The following GSPT1 variants were observed in gnomAD, a reference collection of about 807,000 sequenced individuals.
GSPT1 encodes eukaryotic peptide chain release factor GTP-binding subunit ERF3A.
A neutral mutation model predicts 72.5 loss-of-function variants in GSPT1; 20 were observed. That is an observed-to-expected ratio of 0.28 (90% confidence interval 0.19 to 0.40). The LOEUF is 0.40. Ranked by LOEUF, GSPT1 falls within the 10% of genes least tolerant of loss-of-function variation. The pLI, the probability that GSPT1 is intolerant of heterozygous loss-of-function variation, is 1.00. For missense variants in GSPT1, 580 were observed against 811.9 expected (o/e 0.71, Z 3.47); for synonymous variants, 334 against 293.5 (o/e 1.14, Z -1.41).
chr16:11,898,074 TATCC>T, intron 1 of GSPT1, 39 bp from the exon 2 acceptor site: 2 of 1,308,258 alleles, frequency 1.5e-6, no homozygotes, highest in Non-Finnish European at 2.2e-6. Context: ...AATTGATACT[TATCC>T]ATCCATTTCA....
intron 12 of GSPT1, 66 bp from the exon 13 acceptor site, chr16:11,876,241 G>A: frequency 1.0e-6 from 1 of 990,876 alleles, no homozygotes; most frequent in Non-Finnish European, 1.6e-6. Flanking sequence ...ATGTTCTCAA[G>A]CGCCATATAA....
At chr16:11,890,422 G>A (rs2054244333) in intron 6 of GSPT1, among the ~76,000 whole-genome samples, 1 of 152,032 alleles carries the variant, frequency 6.6e-6, no homozygotes. Flanking sequence ...GTAATAGTGG[G>A]CATTAATTTA....
chr16:11,877,100 C>T lies in GSPT1; in HGVS notation c.1602+307G>A, dbSNP rs1381421661. On this transcript the variant is annotated intron_variant, in intron 12 of 14. Coordinates refer to ENST00000434724, the MANE Select transcript of GSPT1 (RefSeq NM_002094.4). This position sits in a 1 kb window ranked among gnomAD's most constrained non-coding sequence, Gnocchi z 4.0. The stretch of plus-strand genomic sequence containing the variant: ...CAATGAGCACATAAACCATGACTTC[C>T]ACAGTAACTGTGCTCTGGTCAAAGT... Among the ~76,000 whole-genome samples the T allele has an allele frequency of 1.3e-5, 2 of 152,160 alleles. No individual in the cohort carries two copies. Among genetic ancestry groups the T allele is most frequent in the African/African-American group, 2.4e-5 (1 of 41,430 alleles).
intron 1 of GSPT1, among the ~76,000 whole-genome samples, chr16:11,906,148 C>G (rs1180990309): frequency 6.6e-6 from 1 of 152,028 alleles, no homozygotes; most frequent in Non-Finnish European, 1.5e-5. Context: ...GTGGCACAAT[C>G]TGGGCTCACT....
At chr16:11,890,758 A>T (rs2054248704) in intron 6 of GSPT1, 1 of 196,536 alleles carries the variant, frequency 5.1e-6, no homozygotes, top group South Asian at 1.0e-4. Context: ...AGTTCTATTC[A>T]TGGTTACTAT....
At chr16:11,884,347 T>C (rs1216855553) in intron 10 of GSPT1, among the ~76,000 whole-genome samples, 1 of 152,220 alleles carries the variant, frequency 6.6e-6, no homozygotes, top group Non-Finnish European at 1.5e-5. Context: ...ATCACTAAGA[T>C]ATGATCCCTG....
intron 1 of GSPT1, chr16:11,915,034 C>T (rs1395925191): frequency 7.7e-7 from 1 of 1,290,488 alleles, no homozygotes; most frequent in Non-Finnish European, 1.0e-6. Context: ...CGCCTCGTGG[C>T]AGGGATCCGC....
chr16:11,876,570 T>G (rs2054049720), intron 12 of GSPT1, among the ~76,000 whole-genome samples: 1 of 152,072 alleles, frequency 6.6e-6, no homozygotes, highest in Non-Finnish European at 1.5e-5. Flanking sequence ...GGTGAAACCC[T>G]GTCTCTACTA....
chr16:11,885,306 A>C (rs772215932), intron 9 of GSPT1, 32 bp from the exon 10 acceptor site: 1 of 1,027,110 alleles, frequency 9.7e-7, no homozygotes, highest in Non-Finnish European at 1.5e-6. Flanking sequence ...CATTAAAGGA[A>C]GTCAACATAA....
chr16:11,882,439 G>C (rs1463625254), intron 11 of GSPT1: 1 of 152,416 alleles, frequency 6.6e-6, no homozygotes, highest in Non-Finnish European at 1.5e-5. Context: ...TTTGTAAGGT[G>C]CCAATTATGT....
At chr16:11,891,279 A>C in intron 5 of GSPT1, 140 bp from the exon 6 acceptor site, 1 of 267,576 alleles carries the variant, frequency 3.7e-6, no homozygotes, top group Non-Finnish European at 6.8e-6. Flanking sequence ...AAAAAAATAT[A>C]AAATATATAT....
At chr16:11,879,656 C>T (rs1487255688) in intron 11 of GSPT1, among the ~76,000 whole-genome samples, 6 of 145,400 alleles carry the variant, frequency 4.1e-5, no homozygotes, top group Middle Eastern at 3.6e-3. Context: ...TTGCTTGAAC[C>T]GGGACCTGGG....
intron 1 of GSPT1, chr16:11,914,890 T>G: frequency 1.5e-6 from 1 of 656,460 alleles, no homozygotes; most frequent in Non-Finnish European, 2.4e-6. Context: ...GTTTCAATAG[T>G]AGAAAACGCA....
intron 1 of GSPT1, among the ~76,000 whole-genome samples, chr16:11,909,565 C>A (rs116479102): frequency 2.0e-5 from 3 of 152,082 alleles, no homozygotes; most frequent in African/African-American, 4.8e-5. Context: ...CTGTTTAATA[C>A]GAAATAGACA....
At chr16:11,906,914 TTTC>T in intron 1 of GSPT1, among the ~76,000 whole-genome samples, 1 of 152,146 alleles carries the variant, frequency 6.6e-6, no homozygotes, top group Non-Finnish European at 1.5e-5. Flanking sequence ...AGCTGAGGTT[TTTC>T]TTTTTTTCTC....
rs1215883460 is a variant in GSPT1 at position 11,877,531 on chromosome 16, G to A, written c.1478C>T (p.Thr493Ile). 2 of 1,610,776 alleles carry A rather than the reference G, an allele frequency of 1.2e-6. No individual in the cohort carries two copies. Among genetic ancestry groups the A allele is most frequent in the South Asian group, 2.2e-5 (2 of 90,750 alleles). Residue 493 changes from threonine (T) to isoleucine (I), a missense_variant, in exon 12 of 15, where the codon ACC (threonine) becomes ATC (isoleucine). Thr to Ile is a moderately conservative substitution (Grantham distance 89). Coordinates refer to ENST00000434724, the MANE Select transcript of GSPT1 (RefSeq NM_002094.4). The surrounding 1 kb of genome is among the most constrained non-coding windows in gnomAD (Gnocchi z 4.0). Reference sequence around the variant, plus strand: ...TTTGAGGTTTTCACCTGGGGCTACGGTATCAGTCTCTACATCATCGGAAAG... The same window carrying A: ...TTTGAGGTTTTCACCTGGGGCTACGATATCAGTCTCTACATCATCGGAAAG... ...GILSDDVETD[T>I]VAPGENLKIR...
intron 10 of GSPT1, among the ~76,000 whole-genome samples, chr16:11,883,522 A>G (rs2054148829): frequency 6.6e-6 from 1 of 151,280 alleles, no homozygotes; most frequent in Admixed American, 6.6e-5. Context: ...CCAGAGGCTG[A>G]AGCAGAAGAA....
chr16:11,890,679 A>C (rs140664579), intron 6 of GSPT1: 1 of 153,498 alleles, frequency 6.5e-6, no homozygotes, highest in African/African-American at 2.4e-5. Context: ...TCCAGCATTT[A>C]TTTATATAAT....
intron 11 of GSPT1, among the ~76,000 whole-genome samples, chr16:11,878,757 TC>T (rs1212266943): frequency 6.6e-6 from 1 of 151,976 alleles, no homozygotes. Context: ...AAATTTACCA[TC>T]AGTGACATTT....
Sources: gnomAD v4.1 joint callset for allele counts (sites outside exome capture counted in the v4.1 genomes callset) on GRCh38, gnomAD v4.1.1 for gene constraint, Gnocchi (gnomAD v3.1) non-coding constraint, MANE v1.5 for transcripts, NCBI Gene and HGNC (gene_info 2026-07-23, HGNC 2026-07-21) for gene names.